ADAMTS12: variants seen among roughly 807,000 people sequenced by gnomAD.
ADAMTS12 encodes the protein ADAM metallopeptidase with thrombospondin type 1 motif 12.
A neutral mutation model predicts 167.8 loss-of-function variants in ADAMTS12; 118 were observed. That is an observed-to-expected ratio of 0.70 (90% confidence interval 0.61 to 0.82). ADAMTS12 has a LOEUF of 0.82. Among genes scored for constraint, ADAMTS12 ranks in the 40% least tolerant of loss-of-function variants. The pLI is 0.00. For missense variants in ADAMTS12, 1,916 were observed against 1,998.8 expected (o/e 0.96, Z 0.79); for synonymous variants, 704 against 716.9 (o/e 0.98, Z 0.29).
intron 17 of ADAMTS12, 25 bp from the exon 18 acceptor site, chr5:33,588,834 G>A (rs1195452895): frequency 1.2e-6 from 2 of 1,610,244 alleles, no homozygotes; most frequent in African/African-American, 2.7e-5. Context: ...GGATATGTGA[G>A]AGAAGATCGC....
intron 2 of ADAMTS12, among the ~76,000 whole-genome samples, chr5:33,824,280 G>A (rs916437570): frequency 5.9e-5 from 9 of 152,202 alleles, no homozygotes; most frequent in Non-Finnish European, 1.3e-4. Flanking sequence ...CTACCTTCCC[G>A]TGAAGCCACC....
At position 33,636,887 on chromosome 5, in the gene ADAMTS12, C is replaced by T. The variant is rs13362280; in HGVS notation, c.1888+690G>A. Among the ~76,000 whole-genome samples, 671 of 152,220 alleles carry T rather than the reference C, an allele frequency of 4.4e-3. 7 individuals are homozygous for T. The highest frequency in any genetic ancestry group is 0.015 in the African/African-American group (635 of 41,530). ...ATGTGTCTGGACGTTTTGCCAAGGC[C>T]GCTATTCCATTCTCCAACTCCATTA... is the stretch of plus-strand genomic sequence containing the variant. On this transcript the variant is annotated intron_variant, in intron 12 of 23. Transcript: ENST00000504830.
chr5:33,632,554 A>G (rs1046399498), intron 12 of ADAMTS12, among the ~76,000 whole-genome samples: 3 of 152,182 alleles, frequency 2.0e-5, no homozygotes, highest in African/African-American at 7.2e-5. Flanking sequence ...CAGCCAGGGG[A>G]AAAGTGTCAA....
chr5:33,866,940 A>G (rs1458955100), intron 2 of ADAMTS12, among the ~76,000 whole-genome samples: 4 of 152,050 alleles, frequency 2.6e-5, no homozygotes, highest in African/African-American at 9.7e-5. Context: ...TAAAAAAAAA[A>G]TAAATAAATA....
chr5:33,540,547 C>A (rs1369372282), intron 22 of ADAMTS12, among the ~76,000 whole-genome samples: 4 of 152,232 alleles, frequency 2.6e-5, no homozygotes, highest in Non-Finnish European at 5.9e-5. Flanking sequence ...CTGGAACACA[C>A]CTCCCAGCAG....
chr5:33,784,468 T>C (rs893324807), intron 2 of ADAMTS12, among the ~76,000 whole-genome samples: 9 of 151,952 alleles, frequency 5.9e-5, no homozygotes, highest in African/African-American at 2.2e-4. Context: ...TCAAAAAACT[T>C]ACTAGACATA....
intron 2 of ADAMTS12, among the ~76,000 whole-genome samples, chr5:33,846,694 G>C (rs1249987122): frequency 6.6e-6 from 1 of 152,286 alleles, no homozygotes; most frequent in South Asian, 2.1e-4. Context: ...GTCCTCAATA[G>C]TAGTAAACAC....
intron 2 of ADAMTS12, among the ~76,000 whole-genome samples, chr5:33,811,076 T>C (rs1204267225): frequency 6.6e-6 from 1 of 152,190 alleles, no homozygotes; most frequent in Non-Finnish European, 1.5e-5. Flanking sequence ...GCCCTGCTCG[T>C]GATCTTGGAC....
chr5:33,889,827 C>T (rs1476789462), intron 1 of ADAMTS12, among the ~76,000 whole-genome samples: 2 of 152,124 alleles, frequency 1.3e-5, no homozygotes, highest in Non-Finnish European at 2.9e-5. Flanking sequence ...TGGCACACGT[C>T]TGTAATCCCA....
At chr5:33,778,477 T>C (rs1453611581) in intron 2 of ADAMTS12, among the ~76,000 whole-genome samples, 5 of 150,344 alleles carry the variant, frequency 3.3e-5, no homozygotes. Flanking sequence ...CACATTCAGA[T>C]GAATAAAACT....
intron 3 of ADAMTS12, among the ~76,000 whole-genome samples, chr5:33,718,941 G>T (rs554130635): frequency 6.6e-6 from 1 of 152,248 alleles, no homozygotes; most frequent in African/African-American, 2.4e-5. Flanking sequence ...TGTGTTAAAC[G>T]CCAGGAAGCA....
At chr5:33,829,633 G>A (rs1748221360) in intron 2 of ADAMTS12, among the ~76,000 whole-genome samples, 1 of 152,074 alleles carries the variant, frequency 6.6e-6, no homozygotes, top group Non-Finnish European at 1.5e-5. Flanking sequence ...ACCCCCTTGG[G>A]TCTTAATAAT....
intron 22 of ADAMTS12, among the ~76,000 whole-genome samples, chr5:33,539,193 C>T (rs930624270): frequency 5.3e-5 from 8 of 152,288 alleles, no homozygotes; most frequent in Admixed American, 1.3e-4. Context: ...CCACCTGCTT[C>T]GGCCTCCCAA....
At chr5:33,688,202 G>T (rs1465735933) in intron 3 of ADAMTS12, among the ~76,000 whole-genome samples, 1 of 152,148 alleles carries the variant, frequency 6.6e-6, no homozygotes, top group Non-Finnish European at 1.5e-5. Flanking sequence ...AAGCAAAGAA[G>T]AATTGCCAGG....
intron 2 of ADAMTS12, among the ~76,000 whole-genome samples, chr5:33,863,204 A>C (rs1490051929): frequency 6.6e-6 from 1 of 152,248 alleles, no homozygotes; most frequent in Non-Finnish European, 1.5e-5. Flanking sequence ...GCAATCAGGC[A>C]AGAGAAAGAA....
intron 2 of ADAMTS12, among the ~76,000 whole-genome samples, chr5:33,815,667 CA>C (rs1276323838): frequency 1.3e-5 from 2 of 152,164 alleles, no homozygotes; most frequent in Non-Finnish European, 1.5e-5. Flanking sequence ...AGATGTTGCA[CA>C]ATGAGCAAGG....
intron 2 of ADAMTS12, among the ~76,000 whole-genome samples, chr5:33,805,420 A>G (rs1320938862): frequency 6.6e-6 from 1 of 152,210 alleles, no homozygotes; most frequent in Non-Finnish European, 1.5e-5. Flanking sequence ...TTGCATGAAC[A>G]AGGTATGAGA....
chr5:33,798,434 C>CTTTTTTTTTTTTT (rs3037113), intron 2 of ADAMTS12, among the ~76,000 whole-genome samples: 3 of 69,276 alleles, frequency 4.3e-5, no homozygotes, highest in Non-Finnish European at 7.7e-5. Flanking sequence ...TTCTTTGTAT[C>CTTTTTTTTTTTTT]TTTTTTTTTT....
chr5:33,728,747 T>C (rs770645196), intron 3 of ADAMTS12, among the ~76,000 whole-genome samples: 29 of 152,182 alleles, frequency 1.9e-4, no homozygotes, highest in Non-Finnish European at 3.4e-4. Flanking sequence ...GGGAAGGCCA[T>C]CAGAACAGTC....
Sources: gnomAD v4.1 joint callset for allele counts (sites outside exome capture counted in the v4.1 genomes callset) on GRCh38, gnomAD v4.1.1 for gene constraint, MANE v1.5 for transcripts, NCBI Gene and HGNC (gene_info 2026-07-23, HGNC 2026-07-21) for gene names.